The following C2orf72 variants were observed in gnomAD, a reference collection of about 807,000 sequenced individuals.
C2orf72 encodes the protein chromosome 2 open reading frame 72, also known as uncharacterized protein C2orf72.
A neutral mutation model predicts 14.4 loss-of-function variants in C2orf72; 16 were observed. That is an observed-to-expected ratio of 1.11 (90% CI 0.75 to 1.69). The LOEUF is 1.69. Ranked by LOEUF, C2orf72 falls within the 40% of genes most tolerant of loss-of-function variation. C2orf72 has a pLI of 0.00. For synonymous variants in C2orf72, 168 were observed against 176.8 expected, an observed-to-expected ratio of 0.95 and a Z score of 0.40; for missense variants, 371 against 358.3, an observed-to-expected ratio of 1.04 and a Z score of -0.29.
Position 231,047,175 on chromosome 2 carries a change from A to C in C2orf72, c.*154A>C. On this transcript the variant is annotated 3_prime_UTR_variant, in exon 3 of 3. Coordinates refer to ENST00000373640, the MANE Select transcript of C2orf72 (RefSeq NM_001144994.2). Reference sequence around the variant, plus strand: ...TACCAGCTAGACAGTGGGGCTTACTAAGACAAGCAGGACCTAAAACAGTGT... The same window carrying C: ...TACCAGCTAGACAGTGGGGCTTACTCAGACAAGCAGGACCTAAAACAGTGT... 1.1e-6 allele frequency: 1 copy of C among 928,202 alleles called. No individual in the cohort carries two copies. The highest frequency in any genetic ancestry group is 1.7e-6 in the Non-Finnish European group (1 of 589,132). 57.5% of individuals were successfully genotyped at this position (928,202 alleles called of 1,614,324 possible). A position where few individuals can be genotyped will look rare whatever the true frequency, so the allele number is the denominator to read the frequency against.
rs1325212660 is a variant in C2orf72, at chr2:231,037,861, C to G, written c.296C>G (p.Ala99Gly). 2.0e-6 allele frequency: 2 copies of G among 978,182 alleles called. No homozygotes were observed. Among genetic ancestry groups the G allele is most frequent in the African/African-American group, 3.6e-5 (2 of 55,734 alleles). 60.6% of individuals were successfully genotyped at this position (978,182 alleles called of 1,614,324 possible). A position where few individuals can be genotyped will look rare whatever the true frequency, so the allele number is the denominator to read the frequency against. ...AGAAGAAAAA[A>G]RAIRSPLVFV... Reference sequence around the variant, plus strand: ...GCGGCGGGGGCGGCGGCGGCGGCGGCGCGCGCCATCCGCTCGCCGCTGGTC... The same window carrying G: ...GCGGCGGGGGCGGCGGCGGCGGCGGGGCGCGCCATCCGCTCGCCGCTGGTC... Residue 99 changes from alanine to glycine, a missense_variant, in exon 1 of 3, where the codon GCG becomes GGG. By Grantham distance (60) the Ala-to-Gly change is moderately conservative. Coordinates refer to ENST00000373640, the MANE Select transcript of C2orf72 (RefSeq NM_001144994.2).
chr2:231,047,086 G>GC lies in C2orf72; in HGVS notation c.*70dup. The GC allele has an allele frequency of 1.3e-6, 2 of 1,544,742 alleles. No homozygotes were observed. Among genetic ancestry groups the GC allele is most frequent in the Non-Finnish European group, 1.8e-6 (2 of 1,141,336 alleles). The stretch of plus-strand genomic sequence containing the variant: ...ACTGGGGCCTGGCTCCGTCTTACTG[G>GC]CCCCCAGGTCTCCATGGAGACTGCA... On this transcript the variant is annotated 3_prime_UTR_variant, in exon 3 of 3. Coordinates refer to ENST00000373640, the MANE Select transcript of C2orf72 (RefSeq NM_001144994.2).
chr2:231,038,918 G>A (rs916923059), intron 1 of C2orf72, among the ~76,000 whole-genome samples: 1 of 152,152 alleles, frequency 6.6e-6, no homozygotes, highest in African/African-American at 2.4e-5. Flanking sequence ...AGGTGGAAGG[G>A]ATTTAAGGGT....
intron 2 of C2orf72, among the ~76,000 whole-genome samples, chr2:231,046,586 C>T (rs1463812451): frequency 2.0e-5 from 3 of 152,080 alleles, no homozygotes; most frequent in Non-Finnish European, 4.4e-5. Context: ...CCACCAAACA[C>T]CCAGGTTTGC....
chr2:231,041,502 G>A, intron 2 of C2orf72, 93 bp downstream of exon 2: 1 of 919,218 alleles, frequency 1.1e-6, no homozygotes, highest in Non-Finnish European at 1.7e-6. Context: ...GGACAGAGTG[G>A]ACCAACATCT....
At chr2:231,038,723 G>A (rs1291473062) in intron 1 of C2orf72, among the ~76,000 whole-genome samples, 2 of 152,120 alleles carry the variant, frequency 1.3e-5, no homozygotes, top group Non-Finnish European at 1.5e-5. Context: ...TGGAAGCCCT[G>A]CCTGGTTTTA....
rs1161348253 is a variant in C2orf72 at position 231,037,536 on chromosome 2, G to T, written c.-30G>T. 11 of 999,654 alleles carry T rather than the reference G, an allele frequency of 1.1e-5. No homozygotes were observed. Among genetic ancestry groups the T allele is most frequent in the African/African-American group, 1.8e-5 (1 of 56,994 alleles). 61.9% of individuals were successfully genotyped at this position (999,654 alleles called of 1,614,324 possible). ...CGGGCAGCGGGTGCGCCCGGGCCGCGGCGGCCGCAGAGGGCGGGCGGCGGC... is the reference window on the plus strand; with the variant it reads ...CGGGCAGCGGGTGCGCCCGGGCCGCTGCGGCCGCAGAGGGCGGGCGGCGGC... On this transcript the variant is annotated 5_prime_UTR_variant, in exon 1 of 3. Transcript: ENST00000373640.
At chr2:231,038,768 C>T (rs1164342744) in intron 1 of C2orf72, among the ~76,000 whole-genome samples, 1 of 151,970 alleles carries the variant, frequency 6.6e-6, no homozygotes, top group Non-Finnish European at 1.5e-5. Context: ...CGGGACTTGA[C>T]GTGTGGGGAG....
chr2:231,047,019 T>A lies in C2orf72; in HGVS notation c.886T>A (p.Ter296ArgextTer46), dbSNP rs1422162510. 2 of 1,551,476 alleles carry A rather than the reference T, an allele frequency of 1.3e-6. No homozygotes were observed. Among genetic ancestry groups the A allele is most frequent in the Non-Finnish European group, 1.7e-6 (2 of 1,146,932 alleles). ...TGCTGAGCCCACCGGAGACTCAAGA[T>A]GAAGGCTGGACCCTTGCGCTGTCCC... The part of the protein sequence containing the change: ...TPAEPTGDSR[*>R] The change falls in exon 3 of 3, where the codon TGA (stop) becomes AGA (arginine). Residue 296 changes from the stop codon to arginine (R), a stop_lost. Coordinates refer to ENST00000373640, the MANE Select transcript of C2orf72 (RefSeq NM_001144994.2).
intron 1 of C2orf72, among the ~76,000 whole-genome samples, chr2:231,039,597 C>G (rs1693314411): frequency 6.6e-6 from 1 of 152,146 alleles, no homozygotes; most frequent in African/African-American, 2.4e-5. Context: ...GGCGAGCGCG[C>G]CTGCCCTAAC....
Position 231,037,799 on chromosome 2 carries a change from G to A in C2orf72, c.234G>A (p.Ala78=). 4 of 982,346 alleles carry A rather than the reference G, an allele frequency of 4.1e-6. No homozygotes were observed. In the South Asian group the frequency reaches 1.4e-4, roughly 33 times the overall value. The allele number at this position is 982,346 out of a possible 1,614,324, so 60.9% of individuals were successfully genotyped here. A position where few individuals can be genotyped will look rare whatever the true frequency, so the allele number is the denominator to read the frequency against. Residue 78 remains alanine (A), a synonymous_variant, in exon 1 of 3, where the codon GCG becomes GCA. Coordinates refer to ENST00000373640, the MANE Select transcript of C2orf72 (RefSeq NM_001144994.2). ...CGGCAGAGGGCGCGGGGCCCGGGGC[G>A]GCGCGCGGGGCGCAGAGGGCGGCGA... ...GAAAEGAGPG[A]ARGAQRAARA...
rs531819112 is a variant in C2orf72 at position 231,037,782 on chromosome 2, G to A, written c.217G>A (p.Gly73Ser). Residue 73 changes from glycine to serine, a missense_variant, in exon 1 of 3, where the codon GGC becomes AGC. Gly to Ser is a moderately conservative substitution (Grantham distance 56). Transcript: ENST00000373640. ...CAAGCCGGGCGGCGCGGCGGCAGAG[G>A]GCGCGGGGCCCGGGGCGGCGCGCGG... is the stretch of plus-strand genomic sequence containing the variant. ...AAKPGGAAAE[G>S]AGPGAARGAQ... 7,579 of 987,488 alleles carry A rather than the reference G, an allele frequency of 7.7e-3. 66 individuals carry two copies. The highest frequency in any genetic ancestry group is 0.043 in the South Asian group (952 of 22,094). 61.2% of individuals were successfully genotyped at this position (987,488 alleles called of 1,614,324 possible). A position where few individuals can be genotyped will look rare whatever the true frequency, so the allele number is the denominator to read the frequency against.
chr2:231,045,480 G>A (rs1196262299), intron 2 of C2orf72, among the ~76,000 whole-genome samples: 1 of 150,666 alleles, frequency 6.6e-6, no homozygotes, highest in Non-Finnish European at 1.5e-5. Flanking sequence ...AGGTTACTAG[G>A]TGACAGGAAT....
In C2orf72 at chr2:231,038,193, C is replaced by T. The variant is rs908541009; in HGVS notation, c.628C>T (p.Gln210Ter). 14 of 1,186,218 alleles carry T rather than the reference C, an allele frequency of 1.2e-5. No homozygotes were observed. In the African/African-American group the frequency reaches 2.2e-4, roughly 19 times the overall value. The allele number at this position is 1,186,218 out of a possible 1,614,324, so 73.5% of individuals were successfully genotyped here. A position where few individuals can be genotyped will look rare whatever the true frequency, so the allele number is the denominator to read the frequency against. ...GGCCCTGCAAGCCGCCGGAGCCGGG[C>T]AACCAGGTGAGACTGCGCGGGGCCC... ...CRALQAAGAG[Q>*]PVEGAWERPG... Residue 210 changes from glutamine (Q) to a stop codon, truncating the protein, a stop_gained, in exon 1 of 3, where the codon CAA becomes TAA. Coordinates refer to ENST00000373640, the MANE Select transcript of C2orf72 (RefSeq NM_001144994.2). LOFTEE classifies it high-confidence loss of function.
intron 1 of C2orf72, among the ~76,000 whole-genome samples, chr2:231,039,599 T>TGGG (rs1693314463): frequency 6.6e-6 from 1 of 152,178 alleles, no homozygotes; most frequent in African/African-American, 2.4e-5. Flanking sequence ...CGAGCGCGCC[T>TGGG]GCCCTAACCC....
chr2:231,040,115 C>CT (rs1172088126), intron 1 of C2orf72, among the ~76,000 whole-genome samples: 1 of 152,170 alleles, frequency 6.6e-6, no homozygotes, highest in African/African-American at 2.4e-5. Context: ...TCCTCCTCAC[C>CT]TGGCCAATCC....
chr2:231,044,269 C>G (rs1693381252), intron 2 of C2orf72, among the ~76,000 whole-genome samples: 1 of 152,210 alleles, frequency 6.6e-6, no homozygotes, highest in African/African-American at 2.4e-5. Context: ...ACTTAGGCTA[C>G]ACTACATTTA....
chr2:231,044,696 A>AC (rs1288104151), intron 2 of C2orf72, among the ~76,000 whole-genome samples: 6 of 144,476 alleles, frequency 4.2e-5, no homozygotes, highest in African/African-American at 1.5e-4. Context: ...TTTGCTAAAA[A>AC]CTAAGACACA....
In C2orf72 at chr2:231,047,532, G is replaced by T; in HGVS notation, c.*511G>T. On this transcript the variant is annotated 3_prime_UTR_variant, in exon 3 of 3. Coordinates refer to ENST00000373640, the MANE Select transcript of C2orf72 (RefSeq NM_001144994.2). ...AGTGGCTTTAAACCAGGGGCAGGTT[G>T]TCCCTCCAGGCAGCATTGGAAATGT... is the stretch of plus-strand genomic sequence containing the variant. 1 of 280,840 alleles carries T rather than the reference G, an allele frequency of 3.6e-6. No individual in the cohort carries two copies. Among genetic ancestry groups the T allele is most frequent in the Admixed American group, 4.7e-5 (1 of 21,336 alleles). The allele number at this position is 280,840 out of a possible 1,614,324, so 17.4% of individuals were successfully genotyped here.
Sources: allele counts gnomAD v4.1 joint callset (sites outside exome capture counted in the v4.1 genomes callset), GRCh38; gene constraint gnomAD v4.1.1; transcripts MANE v1.5; gene names NCBI Gene and HGNC (gene_info 2026-07-23, HGNC 2026-07-21).